The following PDGFC variants were observed in gnomAD, a reference collection of about 807,000 sequenced individuals.
PDGFC encodes the protein platelet derived growth factor C.
Under a neutral mutation model 35.5 loss-of-function variants are expected in PDGFC, and 12 were observed. The observed-to-expected ratio is 0.34, with a 90% CI of 0.22 to 0.55. The LOEUF (loss-of-function observed/expected upper bound fraction) is 0.55, where lower values mean the gene tolerates loss of function less well. Among genes scored for constraint, PDGFC ranks in the 20% least tolerant of loss-of-function variants. The pLI is 0.91. For synonymous variants in PDGFC, 159 were observed against 148.8 expected, an observed-to-expected ratio of 1.07 and a Z score of -0.50; for missense variants, 322 against 412.4, an observed-to-expected ratio of 0.78 and a Z score of 1.90.
At chr4:156,958,841 T>C (rs548669644) in intron 1 of PDGFC, among the ~76,000 whole-genome samples, 1 of 152,154 alleles carries the variant, frequency 6.6e-6, no homozygotes, top group South Asian at 2.1e-4. Context: ...ATAACTTGGA[T>C]AGGACTTATT....
intron 1 of PDGFC, among the ~76,000 whole-genome samples, chr4:156,932,275 G>A (rs1731568383): frequency 6.6e-6 from 1 of 151,954 alleles, no homozygotes; most frequent in South Asian, 2.1e-4. Context: ...ATAAACTCAG[G>A]AACAACACAC....
At chr4:156,840,035 GC>G (rs1729159935) in intron 2 of PDGFC, among the ~76,000 whole-genome samples, 1 of 152,164 alleles carries the variant, frequency 6.6e-6, no homozygotes, top group Non-Finnish European at 1.5e-5. Context: ...AAAATTTGCA[GC>G]CTGACAATGC....
At chr4:156,847,411 G>A (rs557709047) in intron 2 of PDGFC, among the ~76,000 whole-genome samples, 1 of 151,774 alleles carries the variant, frequency 6.6e-6, no homozygotes, top group African/African-American at 2.4e-5. Context: ...TAAACTGGGG[G>A]GACATTCTAC....
chr4:156,949,081 C>T (rs995589862), intron 1 of PDGFC, among the ~76,000 whole-genome samples: 9 of 151,824 alleles, frequency 5.9e-5, no homozygotes, highest in African/African-American at 1.9e-4. Context: ...ACATCCAGTT[C>T]CTTGGTGATT....
chr4:156,773,618 T>C (rs952701059), intron 3 of PDGFC: 5 of 152,136 alleles, frequency 3.3e-5, no homozygotes, highest in Non-Finnish European at 7.4e-5. Flanking sequence ...AATAAACATA[T>C]GAAAATATGC....
chr4:156,801,959 T>C (rs1731623039), intron 3 of PDGFC, among the ~76,000 whole-genome samples: 1 of 152,226 alleles, frequency 6.6e-6, no homozygotes, highest in Non-Finnish European at 1.5e-5. Flanking sequence ...TACTCTATGT[T>C]CACCTTATGT....
chr4:156,832,784 C>T (rs1190538236), intron 2 of PDGFC, among the ~76,000 whole-genome samples: 1 of 152,216 alleles, frequency 6.6e-6, no homozygotes. Context: ...ACAGGGCCGA[C>T]TTTTCCAATA....
At chr4:156,908,604 T>C (rs935810714) in intron 1 of PDGFC, among the ~76,000 whole-genome samples, 2 of 152,162 alleles carry the variant, frequency 1.3e-5, no homozygotes, top group African/African-American at 2.4e-5. Context: ...ACTGTGATGA[T>C]ATCTTACCTC....
At chr4:156,818,516 G>GTTTTTTT (rs35714916) in intron 2 of PDGFC, among the ~76,000 whole-genome samples, 16 of 98,892 alleles carry the variant, frequency 1.6e-4, no homozygotes, top group Non-Finnish European at 2.3e-4. Flanking sequence ...CTTTCTAGCT[G>GTTTTTTT]TTTTTTTTTT....
intron 1 of PDGFC, among the ~76,000 whole-genome samples, chr4:156,944,864 A>G (rs1168406701): frequency 6.6e-6 from 1 of 150,428 alleles, no homozygotes; most frequent in African/African-American, 2.5e-5. Flanking sequence ...CATCTACATG[A>G]CCCCCTCCAG....
At position 156,825,593 on chromosome 4, in the gene PDGFC, T is replaced by TAAGAAGAAGAAG. The variant is rs60033232; in HGVS notation, c.315-14588_315-14577dup. Among the ~76,000 whole-genome samples, 373 of 62,160 alleles carry TAAGAAGAAGAAG rather than the reference T, an allele frequency of 6.0e-3. 7 individuals are homozygous for TAAGAAGAAGAAG. The highest frequency in any genetic ancestry group is 0.013 in the African/African-American group (161 of 12,690). The allele number at this position is 62,160 out of a possible 152,430, so 40.8% of individuals were successfully genotyped here. A position where few individuals can be genotyped will look rare whatever the true frequency, so the allele number is the denominator to read the frequency against. On this transcript the variant is annotated intron_variant, in intron 2 of 5. Transcript: ENST00000502773. ...ATAATAATAATAATAATAATAATAA[T>TAAGAAGAAGAAG]AAGAAGAAGAAGAAGAAGAAGAAGA...
intron 1 of PDGFC, among the ~76,000 whole-genome samples, chr4:156,920,564 T>G (rs2110838198): frequency 6.6e-6 from 1 of 150,666 alleles, no homozygotes; most frequent in African/African-American, 2.4e-5. Flanking sequence ...ATGTCCCTAA[T>G]TAAAAGAAAA....
At chr4:156,895,908 T>C (rs576200067) in intron 1 of PDGFC, among the ~76,000 whole-genome samples, 2 of 152,288 alleles carry the variant, frequency 1.3e-5, no homozygotes, top group South Asian at 4.1e-4. Flanking sequence ...ATGATTAACA[T>C]ATTTAACATT....
At chr4:156,922,270 T>C (rs1731304097) in intron 1 of PDGFC, among the ~76,000 whole-genome samples, 1 of 152,040 alleles carries the variant, frequency 6.6e-6, no homozygotes, top group African/African-American at 2.4e-5. Flanking sequence ...ATTGTTCATG[T>C]GTACTGAATT....
chr4:156,853,328 T>C (rs1327716050), intron 1 of PDGFC, among the ~76,000 whole-genome samples: 2 of 152,116 alleles, frequency 1.3e-5, no homozygotes, highest in Admixed American at 1.3e-4. Context: ...ATGTGAAGGG[T>C]TGTATATTAG....
In PDGFC at chr4:156,760,790, T is replaced by C. The variant is rs1730358769; in HGVS notation, c.*2300A>G. 6.6e-6 allele frequency: 1 copy of C among 152,036 alleles called. No homozygotes were observed. The allele number at this position is 152,036 out of a possible 1,614,324, so 9.4% of individuals were successfully genotyped here. ...TTTATAAGTAAACAAAAAATAAATA[T>C]TAAAAAAGGGAAAATATATTTCGTT... On this transcript the variant is annotated 3_prime_UTR_variant, in exon 6 of 6. Coordinates refer to ENST00000502773, the MANE Select transcript of PDGFC (RefSeq NM_016205.3).
At chr4:156,783,726 C>T (rs1168773803) in intron 3 of PDGFC, among the ~76,000 whole-genome samples, 1 of 152,094 alleles carries the variant, frequency 6.6e-6, no homozygotes, top group Non-Finnish European at 1.5e-5. Context: ...GGGGCCAAAT[C>T]TTGATGTCTT....
At chr4:156,897,929 T>A (rs950906791) in intron 1 of PDGFC, among the ~76,000 whole-genome samples, 7 of 152,126 alleles carry the variant, frequency 4.6e-5, no homozygotes, top group Non-Finnish European at 1.0e-4. Flanking sequence ...ATGAGATGGA[T>A]GATATGAAGC....
At chr4:156,954,107 G>C (rs530147253) in intron 1 of PDGFC, among the ~76,000 whole-genome samples, 4 of 151,904 alleles carry the variant, frequency 2.6e-5, no homozygotes, top group Non-Finnish European at 5.9e-5. Context: ...CCATACTTAC[G>C]TAAATAGCAG....
Sources: gnomAD v4.1 joint callset for allele counts (sites outside exome capture counted in the v4.1 genomes callset) on GRCh38, gnomAD v4.1.1 for gene constraint, MANE v1.5 for transcripts, NCBI Gene and HGNC (gene_info 2026-07-23, HGNC 2026-07-21) for gene names.